The following FAM114A2 variants were observed in gnomAD, a reference collection of about 807,000 sequenced individuals.
FAM114A2 encodes protein FAM114A2.
A neutral mutation model predicts 58.4 loss-of-function variants in FAM114A2; 53 were observed. The ratio of observed to expected loss-of-function variants is 0.91; its 90% CI spans 0.73 to 1.14. The LOEUF (loss-of-function observed/expected upper bound fraction) is 1.14, where lower values mean the gene tolerates loss of function less well. Ranked by LOEUF, FAM114A2 falls within the 50% of genes most tolerant of loss-of-function variation. The probability of loss-of-function intolerance (pLI) is 0.00; values close to 1 mark genes in which losing one functional copy is unlikely to be tolerated. For synonymous variants in FAM114A2, 228 were observed against 211.4 expected (o/e 1.08, Z -0.68); for missense variants, 601 against 581.1 (o/e 1.03, Z -0.35).
At position 153,993,129 on chromosome 5, in the gene FAM114A2, C is replaced by A. The variant is rs752113768; in HGVS notation, c.1384-19G>T. 1.9e-6 allele frequency: 3 copies of A among 1,592,826 alleles called. No individual in the cohort carries two copies. The highest frequency in any genetic ancestry group is 1.1e-5 in the South Asian group (1 of 87,382). On this transcript the variant is annotated intron_variant, in intron 13 of 13. Transcript: ENST00000351797. ...TTGATGCCTGCCAGGATTGAAAAAA[C>A]AAGAAAAAGAAAATATTAGTTATTT...
intron 8 of FAM114A2, among the ~76,000 whole-genome samples, chr5:154,022,571 C>G (rs1771495607): frequency 6.6e-6 from 1 of 152,204 alleles, no homozygotes; most frequent in Admixed American, 6.5e-5. Context: ...AAATGCAAAT[C>G]AAAACCACAA....
At chr5:154,025,451 T>A (rs1372023942) in intron 8 of FAM114A2, among the ~76,000 whole-genome samples, 1 of 152,164 alleles carries the variant, frequency 6.6e-6, no homozygotes, top group East Asian at 1.9e-4. Context: ...TTATAATTTT[T>A]AAAAAATTCC....
Position 153,990,575 on chromosome 5 carries a change from G to A in FAM114A2, c.*2401C>T, listed in dbSNP as rs1293137837. On this transcript the variant is annotated 3_prime_UTR_variant, in exon 14 of 14. Coordinates refer to ENST00000351797, the MANE Select transcript of FAM114A2 (RefSeq NM_018691.4). Reference sequence around the variant, plus strand: ...CCTTAACACATTTCTAAGGTATTATGCAAAGGAAAATAAAAATTGTTTCAT... The same window carrying A: ...CCTTAACACATTTCTAAGGTATTATACAAAGGAAAATAAAAATTGTTTCAT... 6.6e-6 allele frequency: 1 copy of A among 151,158 alleles called. No individual in the cohort carries two copies. Among genetic ancestry groups the A allele is most frequent in the Non-Finnish European group, 1.5e-5 (1 of 67,904 alleles). The allele number at this position is 151,158 out of a possible 1,614,324, so 9.4% of individuals were successfully genotyped here. A position where few individuals can be genotyped will look rare whatever the true frequency, so the allele number is the denominator to read the frequency against.
At chr5:154,015,106 C>A (rs563321538) in intron 8 of FAM114A2, among the ~76,000 whole-genome samples, 1 of 152,182 alleles carries the variant, frequency 6.6e-6, no homozygotes, top group East Asian at 1.9e-4. Flanking sequence ...TTGACCTGGA[C>A]CTCATCCCCA....
At chr5:154,009,460 A>C (rs1057270022) in intron 9 of FAM114A2, among the ~76,000 whole-genome samples, 1 of 152,208 alleles carries the variant, frequency 6.6e-6, no homozygotes, top group Non-Finnish European at 1.5e-5. Context: ...CCAACTGGTA[A>C]ATCTTCACAT....
At chr5:154,010,363 G>A (rs1042927962) in intron 9 of FAM114A2, among the ~76,000 whole-genome samples, 20 of 152,222 alleles carry the variant, frequency 1.3e-4, no homozygotes, top group Admixed American at 6.5e-5. Flanking sequence ...TACAGTAGAG[G>A]TGAGGGAGAT....
intron 8 of FAM114A2, among the ~76,000 whole-genome samples, chr5:154,019,923 G>A (rs530409081): frequency 3.3e-5 from 5 of 152,234 alleles, no homozygotes; most frequent in African/African-American, 1.2e-4. Flanking sequence ...AAATGTAAAA[G>A]AACAGAAATC....
intron 1 of FAM114A2, chr5:154,037,274 A>G (rs1371622793): frequency 6.6e-6 from 1 of 152,278 alleles, no homozygotes; most frequent in Non-Finnish European, 1.5e-5. Flanking sequence ...AGATTAAGAC[A>G]ACACTATGGA....
intron 11 of FAM114A2, 128 bp downstream of exon 11, chr5:154,002,123 A>G: frequency 1.3e-6 from 1 of 762,616 alleles, no homozygotes; most frequent in Non-Finnish European, 2.1e-6. Context: ...CAAAATGAAC[A>G]AACCATCTAA....
intron 8 of FAM114A2, among the ~76,000 whole-genome samples, chr5:154,014,140 C>T (rs1280065978): frequency 6.6e-6 from 1 of 152,144 alleles, no homozygotes; most frequent in South Asian, 2.1e-4. Context: ...ATTCAAGAAC[C>T]GTTTTCCAAT....
At chr5:153,996,525 A>G (rs1038230523) in intron 12 of FAM114A2, among the ~76,000 whole-genome samples, 4 of 152,048 alleles carry the variant, frequency 2.6e-5, no homozygotes, top group Non-Finnish European at 5.9e-5. Context: ...TTGGAGAAAT[A>G]CGTTCCCATC....
At position 154,023,618 on chromosome 5, in the gene FAM114A2, CAG is replaced by C. The variant is rs538802811; in HGVS notation, c.913+2779_913+2780del. 2.7e-4 allele frequency among the ~76,000 whole-genome samples: 41 copies of C among 152,116 alleles called. 1 individual carries two copies. In the East Asian group the frequency reaches 6.2e-3, roughly 23 times the overall value. On this transcript the variant is annotated intron_variant, in intron 8 of 13. Coordinates refer to ENST00000351797, the MANE Select transcript of FAM114A2 (RefSeq NM_018691.4). Reference sequence around the variant, plus strand: ...AATGACACAATGGGCTTCGGGGACTCAGGGGGAAAGGATGGGAAGGGAGTGTG... The same window carrying C: ...AATGACACAATGGGCTTCGGGGACTCGGGGAAAGGATGGGAAGGGAGTGTG...
At chr5:154,031,981 T>C (rs1455082175) in intron 4 of FAM114A2, among the ~76,000 whole-genome samples, 5 of 152,218 alleles carry the variant, frequency 3.3e-5, no homozygotes, top group African/African-American at 1.2e-4. Flanking sequence ...AGGTAGCTAC[T>C]CTACGTTTAC....
At chr5:153,994,997 G>A (rs1581755157) in intron 12 of FAM114A2, 25 bp from the exon 13 acceptor site, 1 of 1,543,582 alleles carries the variant, frequency 6.5e-7, no homozygotes, top group East Asian at 2.3e-5. Context: ...ACATTTTTAA[G>A]TGAGCAGAGT....
chr5:154,024,832 G>C (rs1406104988), intron 8 of FAM114A2, among the ~76,000 whole-genome samples: 1 of 151,966 alleles, frequency 6.6e-6, no homozygotes, highest in African/African-American at 2.4e-5. Context: ...ACATTTCCTT[G>C]TTAAAATATC....
intron 8 of FAM114A2, among the ~76,000 whole-genome samples, chr5:154,015,196 A>G (rs114107365): frequency 6.6e-6 from 1 of 152,062 alleles, no homozygotes; most frequent in African/African-American, 2.4e-5. Context: ...TCCCACCCTG[A>G]TAACTGAAGA....
chr5:154,020,162 C>A (rs552556), intron 8 of FAM114A2, among the ~76,000 whole-genome samples: 1 of 151,826 alleles, frequency 6.6e-6, no homozygotes, highest in Non-Finnish European at 1.5e-5. Flanking sequence ...TAGAACACTG[C>A]ATTTATAGCA....
intron 11 of FAM114A2, among the ~76,000 whole-genome samples, chr5:154,001,186 A>G (rs1345296918): frequency 2.0e-5 from 3 of 152,216 alleles, no homozygotes; most frequent in South Asian, 2.1e-4. Context: ...ACACATACAC[A>G]CATATGTATA....
At chr5:154,014,989 C>T (rs574295198) in intron 8 of FAM114A2, among the ~76,000 whole-genome samples, 3 of 152,260 alleles carry the variant, frequency 2.0e-5, no homozygotes, top group Admixed American at 2.0e-4. Flanking sequence ...GAGACTGGCC[C>T]TTTGGGTTGC....
Sources: allele counts gnomAD v4.1 joint callset (sites outside exome capture counted in the v4.1 genomes callset), GRCh38; gene constraint gnomAD v4.1.1; transcripts MANE v1.5; gene names NCBI Gene and HGNC (gene_info 2026-07-23, HGNC 2026-07-21).